CDH4: variants seen among roughly 807,000 people sequenced by gnomAD.
The protein encoded by CDH4 is cadherin-4.
Under a neutral mutation model 86.0 loss-of-function variants are expected in CDH4, and 33 were observed. The observed-to-expected ratio is 0.38, with a 90% CI of 0.29 to 0.51. CDH4 has a LOEUF of 0.51. CDH4 is among the 20% of genes least tolerant of loss of function. The probability of loss-of-function intolerance (pLI) is 0.86; values close to 1 mark genes in which losing one functional copy is unlikely to be tolerated. For missense variants in CDH4, 1,114 were observed against 1,307.4 expected (o/e 0.85, Z 2.28); for synonymous variants, 555 against 549.4 (o/e 1.01, Z -0.14).
chr20:61,656,703 C>T (rs2145825341), intron 2 of CDH4, among the ~76,000 whole-genome samples: 2 of 152,318 alleles, frequency 1.3e-5, no homozygotes, highest in Non-Finnish European at 2.9e-5. Context: ...TCGAACTGAA[C>T]CTCAGAAAAT....
chr20:61,893,342 TGGATAAATGAATGGGTGGGTGAATAGAG>T (rs1984929056), intron 7 of CDH4, among the ~76,000 whole-genome samples: 2 of 42,484 alleles, frequency 4.7e-5, no homozygotes, highest in Non-Finnish European at 9.3e-5. Flanking sequence ...GGTGGGTGGG[TGGATAAATGAATGGGTGGGTGAATAGAG>T]GGATAAATGG....
chr20:61,684,104 A>G lies in CDH4; in HGVS notation c.170-59459A>G, dbSNP rs1279224403. Among the ~76,000 whole-genome samples the G allele has an allele frequency of 6.6e-6, 1 of 152,152 alleles. No homozygotes were observed. The highest frequency in any genetic ancestry group is 2.4e-5 in the African/African-American group (1 of 41,440). ...CATTTAACAGGGTTGGCTGATACCT[A>G]CTGTGTAGCAGGGATTGCAGTGGCA... On this transcript the variant is annotated intron_variant, in intron 2 of 15. Transcript: ENST00000614565. This position sits in a 1 kb window ranked among gnomAD's most constrained non-coding sequence, Gnocchi z 4.5.
intron 2 of CDH4, among the ~76,000 whole-genome samples, chr20:61,359,610 T>C (rs1387979158): frequency 1.3e-5 from 2 of 152,234 alleles, no homozygotes; most frequent in Non-Finnish European, 2.9e-5. Context: ...CCTCGGTGCT[T>C]GTCTTTGGGG....
intron 2 of CDH4, among the ~76,000 whole-genome samples, chr20:61,627,186 G>A (rs1297911533): frequency 6.6e-6 from 1 of 152,296 alleles, no homozygotes; most frequent in African/African-American, 2.4e-5. Context: ...ACCCGTTCCA[G>A]GGGTGTGTCC....
chr20:61,834,343 A>C (rs964965642), intron 4 of CDH4, among the ~76,000 whole-genome samples: 1 of 152,062 alleles, frequency 6.6e-6, no homozygotes, highest in Non-Finnish European at 1.5e-5. Flanking sequence ...TCTGGCCTCC[A>C]TCTTTTCTGC....
intron 2 of CDH4, among the ~76,000 whole-genome samples, chr20:61,375,922 GTGCTGGTGATGA>G (rs2084867400): frequency 9.6e-5 from 10 of 103,796 alleles, no homozygotes; most frequent in Non-Finnish European, 1.3e-4. Context: ...GATGGTCTTG[GTGCTGGTGATGA>G]TGGTGGTGCT....
Position 61,510,608 on chromosome 20 carries a change from T to C in CDH4, c.170-232955T>C, listed in dbSNP as rs2085772502. 6.6e-6 allele frequency among the ~76,000 whole-genome samples: 1 copy of C among 152,134 alleles called. No individual in the cohort carries two copies. The highest frequency in any genetic ancestry group is 2.4e-5 in the African/African-American group (1 of 41,432). Reference sequence around the variant, plus strand: ...AGGACTAGGTAGCTCCCATTACTGCTTGGTGGCTGACGACCCATAGTGGGA... The same window carrying C: ...AGGACTAGGTAGCTCCCATTACTGCCTGGTGGCTGACGACCCATAGTGGGA... On this transcript the variant is annotated intron_variant, in intron 2 of 15. Transcript: ENST00000614565. This position sits in a 1 kb window ranked among gnomAD's most constrained non-coding sequence, Gnocchi z 4.2.
chr20:61,924,309 C>T, intron 10 of CDH4, 25 bp from the exon 11 acceptor site: 1 of 1,580,114 alleles, frequency 6.3e-7, no homozygotes, highest in Non-Finnish European at 8.7e-7. Flanking sequence ...AGCCTTACCT[C>T]CCCCTGCACT....
At chr20:61,486,725 T>TA (rs11204428) in intron 2 of CDH4, among the ~76,000 whole-genome samples, 52,915 of 150,204 alleles carry the variant, frequency 0.35, 10,926 homozygotes, top group Admixed American at 0.48. Flanking sequence ...CCTCACCTCT[T>TA]AAAAAAAAAA....
intron 2 of CDH4, among the ~76,000 whole-genome samples, chr20:61,440,410 G>T (rs6061423): frequency 0.17 from 25,547 of 152,212 alleles, 2,239 homozygotes; most frequent in Non-Finnish European, 0.18. Context: ...CTTGTTAGCC[G>T]CAACAAGTCA....
intron 2 of CDH4, among the ~76,000 whole-genome samples, chr20:61,261,475 C>G (rs985162349): frequency 2.0e-5 from 3 of 152,168 alleles, no homozygotes; most frequent in African/African-American, 7.2e-5. Context: ...ATGTTCTGTC[C>G]AGTCCTTGGT....
chr20:61,921,742 C>T (rs1478805533), intron 9 of CDH4, among the ~76,000 whole-genome samples: 1 of 81,870 alleles, frequency 1.2e-5, no homozygotes, highest in Non-Finnish European at 2.4e-5. Context: ...TGGAGGAAGA[C>T]TCTGTCAAAA....
At chr20:61,471,776 A>G (rs1040613906) in intron 2 of CDH4, among the ~76,000 whole-genome samples, 2 of 152,110 alleles carry the variant, frequency 1.3e-5, no homozygotes, top group Non-Finnish European at 2.9e-5. Context: ...CTGGAGCATT[A>G]TTCAGGAGCC....
intron 2 of CDH4, among the ~76,000 whole-genome samples, chr20:61,668,226 G>A (rs982086500): frequency 5.9e-5 from 9 of 152,218 alleles, no homozygotes; most frequent in Non-Finnish European, 1.3e-4. Flanking sequence ...TTTATCTAGC[G>A]GGAGGAGCTG....
chr20:61,470,757 T>C (rs1232488018), intron 2 of CDH4, among the ~76,000 whole-genome samples: 4 of 152,138 alleles, frequency 2.6e-5, no homozygotes, highest in Non-Finnish European at 2.9e-5. Flanking sequence ...TGAAGGGATG[T>C]TGGTTTTTAT....
At chr20:61,923,179 G>A (rs1214196470) in intron 9 of CDH4, among the ~76,000 whole-genome samples, 3 of 152,242 alleles carry the variant, frequency 2.0e-5, no homozygotes, top group Non-Finnish European at 2.9e-5. Flanking sequence ...CCCAGGAGGA[G>A]CCCAGCTTCT....
intron 2 of CDH4, among the ~76,000 whole-genome samples, chr20:61,650,532 C>A (rs2087109979): frequency 6.6e-6 from 1 of 152,172 alleles, no homozygotes; most frequent in Non-Finnish European, 1.5e-5. Flanking sequence ...AGCCAGGAAG[C>A]TTTTCTATTA....
At chr20:61,274,149 A>G (rs1469032803) in intron 2 of CDH4, among the ~76,000 whole-genome samples, 21 of 102,096 alleles carry the variant, frequency 2.1e-4, no homozygotes, top group South Asian at 3.5e-4. Flanking sequence ...TAGTTTGGGG[A>G]AGTACCATGT....
chr20:61,466,785 A>G (rs988401949), intron 2 of CDH4, among the ~76,000 whole-genome samples: 5 of 150,584 alleles, frequency 3.3e-5, no homozygotes, highest in African/African-American at 9.7e-5. Flanking sequence ...TGGGAGGCAG[A>G]GGTTGCATTG....
Sources: allele counts gnomAD v4.1 joint callset (sites outside exome capture counted in the v4.1 genomes callset), GRCh38; gene constraint gnomAD v4.1.1; non-coding constraint Gnocchi (gnomAD v3.1); transcripts MANE v1.5; gene names NCBI Gene and HGNC (gene_info 2026-07-23, HGNC 2026-07-21).